Variants in DAND5 observed in about 807,000 individuals in gnomAD.
DAND5 encodes DAN domain family member 5.
A neutral mutation model predicts 9.2 loss-of-function variants in DAND5; 8 were observed. The ratio of observed to expected loss-of-function variants is 0.87; its 90% CI spans 0.51 to 1.56. The LOEUF is 1.56. Among genes scored for constraint, DAND5 ranks in the 40% most tolerant of loss-of-function variants. The pLI, the probability that DAND5 is intolerant of heterozygous loss-of-function variation, is 0.00. For synonymous variants in DAND5, 95 were observed against 101.1 expected (o/e 0.94, Z 0.36); for missense variants, 244 against 244.7 (o/e 1.00, Z 0.02).
At chr19:12,970,400 A>G (rs2011140202) in intron 1 of DAND5, 5 of 694,904 alleles carry the variant, frequency 7.2e-6, no homozygotes, top group Non-Finnish European at 1.3e-5. Flanking sequence ...CTTTGCTTCT[A>G]CACATCAGCC....
At chr19:12,972,856 CTTTTCTTTTTTTT>C (rs937349105) in intron 1 of DAND5, among the ~76,000 whole-genome samples, 6 of 116,940 alleles carry the variant, frequency 5.1e-5, no homozygotes, top group African/African-American at 1.8e-4. Context: ...TGTTGAATTT[CTTTTCTTTTTTTT>C]TTTTTTTTTT....
At chr19:12,971,886 C>T (rs116527097) in intron 1 of DAND5, among the ~76,000 whole-genome samples, 4,472 of 151,400 alleles carry the variant, frequency 0.03, 129 homozygotes, top group Middle Eastern at 0.075. Context: ...CCACCACACC[C>T]GGCCTTTTCA....
In DAND5 at chr19:12,969,877, G is replaced by A. The variant is rs369819134; in HGVS notation, c.217G>A (p.Gly73Arg). 3 of 1,614,150 alleles carry A rather than the reference G, an allele frequency of 1.9e-6. No homozygotes were observed. Among genetic ancestry groups the A allele is most frequent in the East Asian group, 2.2e-5 (1 of 44,892 alleles). ...GGGCCTGCAGAAAGCCAGGCAGCTG[G>A]GGATGGGCAGGCTGCAGCGTGGGCA... is the stretch of plus-strand genomic sequence containing the variant. The part of the protein sequence containing the change: ...FLGLQKARQL[G>R]MGRLQRGQDE... The change falls in exon 1 of 2, where the codon GGG becomes AGG. Residue 73 changes from glycine (G) to arginine (R), a missense_variant. By Grantham distance (125) the Gly-to-Arg change is moderately radical. Transcript: ENST00000317060.
chr19:12,972,099 C>T (rs987363330), intron 1 of DAND5, among the ~76,000 whole-genome samples: 1 of 151,058 alleles, frequency 6.6e-6, no homozygotes, highest in Admixed American at 6.6e-5. Flanking sequence ...CGCTCTGTCG[C>T]CCAGGCTGGA....
At chr19:12,972,789 C>T (rs951567305) in intron 1 of DAND5, among the ~76,000 whole-genome samples, 7 of 152,068 alleles carry the variant, frequency 4.6e-5, no homozygotes, top group Non-Finnish European at 1.0e-4. Context: ...GATCCGCCCA[C>T]CTCAGCCTCC....
chr19:12,972,098 G>T (rs1351853047), intron 1 of DAND5, among the ~76,000 whole-genome samples: 1 of 139,792 alleles, frequency 7.2e-6, no homozygotes. Flanking sequence ...TCGCTCTGTC[G>T]CCCAGGCTGG....
intron 1 of DAND5, among the ~76,000 whole-genome samples, chr19:12,973,132 G>A (rs555212245): frequency 3.3e-5 from 5 of 152,254 alleles, no homozygotes; most frequent in Non-Finnish European, 7.4e-5. Context: ...AAAGTGCTGG[G>A]ATTACAGGCG....
rs947633875 is a variant in DAND5 at position 12,973,562 on chromosome 19, C to T, written c.498C>T (p.Ser166=). Residue 166 remains serine, a synonymous_variant, in exon 2 of 2, where the codon AGC becomes AGT. Transcript: ENST00000317060. ...TGGTCCTGTGGTGTCTCACTGGCAG[C>T]TCAGCCTCCCGTCGACGGGTGAAGA... ...APVVLWCLTG[S]SASRRRVKIS... is the part of the protein sequence containing the mutation. The T allele has an allele frequency of 6.2e-7, 1 of 1,614,166 alleles. No homozygotes were observed. The highest frequency in any genetic ancestry group is 8.5e-7 in the Non-Finnish European group (1 of 1,180,034).
chr19:12,970,446 T>G (rs1489993208), intron 1 of DAND5: 1 of 702,002 alleles, frequency 1.4e-6, no homozygotes, highest in South Asian at 1.5e-5. Context: ...TTTCTGTTTT[T>G]TTAGACACGG....
At chr19:12,970,823 G>A (rs1338085417) in intron 1 of DAND5, among the ~76,000 whole-genome samples, 1 of 152,212 alleles carries the variant, frequency 6.6e-6, no homozygotes, top group East Asian at 1.9e-4. Flanking sequence ...TGAGATTACA[G>A]ATGTGCACTA....
At chr19:12,972,992 A>G (rs1033711905) in intron 1 of DAND5, among the ~76,000 whole-genome samples, 3 of 149,500 alleles carry the variant, frequency 2.0e-5, no homozygotes, top group Non-Finnish European at 4.4e-5. Context: ...TCTCCCGAGT[A>G]GCTGGGACTA....
intron 1 of DAND5, among the ~76,000 whole-genome samples, chr19:12,972,809 G>A (rs1290590000): frequency 6.6e-6 from 1 of 151,594 alleles, no homozygotes; most frequent in Non-Finnish European, 1.5e-5. Context: ...CCAAAATGCT[G>A]GGATTACAGG....
intron 1 of DAND5, among the ~76,000 whole-genome samples, chr19:12,971,534 C>T (rs1384597161): frequency 6.6e-6 from 1 of 151,918 alleles, no homozygotes; most frequent in East Asian, 1.9e-4. Flanking sequence ...GCCTCGGCCT[C>T]CCCAAGTGCT....
intron 1 of DAND5, among the ~76,000 whole-genome samples, chr19:12,972,751 A>G (rs1317111004): frequency 6.6e-6 from 1 of 151,402 alleles, no homozygotes; most frequent in African/African-American, 2.4e-5. Context: ...ATATTGGCCA[A>G]GCTGGTCTCA....
chr19:12,973,104 C>G (rs952159002), intron 1 of DAND5, among the ~76,000 whole-genome samples: 1 of 151,942 alleles, frequency 6.6e-6, no homozygotes, highest in East Asian at 1.9e-4. Flanking sequence ...CCTCGTGATC[C>G]GCCCGCCTTG....
rs757503679 is a variant in DAND5, at chr19:12,970,002, G to T, written c.324+18G>T. ...TCGTTCAGGTGAGTGGGTGGGTGTGGGGAGGAGAGGGCTGGGTCTCACCAT... is the reference window on the plus strand; with the variant it reads ...TCGTTCAGGTGAGTGGGTGGGTGTGTGGAGGAGAGGGCTGGGTCTCACCAT... On this transcript the variant is annotated intron_variant, in intron 1 of 1. Coordinates refer to ENST00000317060, the MANE Select transcript of DAND5 (RefSeq NM_152654.3). 28 of 1,612,490 alleles carry T rather than the reference G, an allele frequency of 1.7e-5. No homozygotes were observed. The highest frequency in any genetic ancestry group is 2.3e-5 in the Non-Finnish European group (27 of 1,179,808).
chr19:12,969,701 G>T lies in DAND5; in HGVS notation c.41G>T (p.Ser14Ile). The change falls in exon 1 of 2, where the codon AGC becomes ATC. Residue 14 changes from serine (S) to isoleucine (I), a missense_variant. Ser to Ile is a moderately radical substitution (Grantham distance 142). Transcript: ENST00000317060. ...GQLSTLLCLL[S>I]GALPTGSGRP... ...CTATCCACTCTTCTGTGCCTGCTTAGCGGGGCCCTGCCTACAGGCTCAGGG... is the reference window on the plus strand; with the variant it reads ...CTATCCACTCTTCTGTGCCTGCTTATCGGGGCCCTGCCTACAGGCTCAGGG... 6 of 1,607,390 alleles carry T rather than the reference G, an allele frequency of 3.7e-6. No homozygotes were observed. Among genetic ancestry groups the T allele is most frequent in the Non-Finnish European group, 5.1e-6 (6 of 1,177,128 alleles).
At chr19:12,971,642 A>C (rs992546935) in intron 1 of DAND5, among the ~76,000 whole-genome samples, 5 of 149,648 alleles carry the variant, frequency 3.3e-5, no homozygotes, top group Admixed American at 2.7e-4. Context: ...CCTAGGCTGG[A>C]GTACAGTGGT....
At chr19:12,972,758 C>G (rs1277593733) in intron 1 of DAND5, among the ~76,000 whole-genome samples, 1 of 151,998 alleles carries the variant, frequency 6.6e-6, no homozygotes, top group Non-Finnish European at 1.5e-5. Context: ...CCAAGCTGGT[C>G]TCAAACTCCT....
Sources: gnomAD v4.1 joint callset for allele counts (sites outside exome capture counted in the v4.1 genomes callset) on GRCh38, gnomAD v4.1.1 for gene constraint, MANE v1.5 for transcripts, NCBI Gene and HGNC (gene_info 2026-07-23, HGNC 2026-07-21) for gene names.